CLNK: variants seen among roughly 807,000 people sequenced by gnomAD.
The protein encoded by CLNK is cytokine dependent hematopoietic cell linker, also known as cytokine-dependent hematopoietic cell linker.
A neutral mutation model predicts 68.6 loss-of-function variants in CLNK; 74 were observed. The ratio of observed to expected loss-of-function variants is 1.08; its 90% CI spans 0.89 to 1.31. The LOEUF is 1.31. Ranked by LOEUF, CLNK falls within the 50% of genes most tolerant of loss-of-function variation. The pLI is 0.00. For missense variants in CLNK, 553 were observed against 515.3 expected (o/e 1.07, Z -0.71); for synonymous variants, 198 against 172.2 (o/e 1.15, Z -1.17).
chr4:10,557,718 C>A (rs1719732837), intron 8 of CLNK, among the ~76,000 whole-genome samples: 1 of 152,186 alleles, frequency 6.6e-6, no homozygotes, highest in South Asian at 2.1e-4. Context: ...TACACTTTCC[C>A]ATTAAAGAAA....
In CLNK at chr4:10,670,314, G is replaced by A. The variant is rs192780543; in HGVS notation, c.-42-2403C>T. ...TAAATTACTTGATTACAGTCATACA[G>A]GACAAATCCATCCCCCATCCCTTAA... On this transcript the variant is annotated intron_variant, in intron 1 of 18. Transcript: ENST00000226951. 5.4e-3 allele frequency among the ~76,000 whole-genome samples: 817 copies of A among 152,316 alleles called. 6 individuals carry two copies. The highest frequency in any genetic ancestry group is 8.6e-3 in the Non-Finnish European group (583 of 68,024).
chr4:10,707,508 T>C, the CLNK span, among the ~76,000 whole-genome samples: 15 of 152,242 alleles, frequency 9.9e-5, no homozygotes, highest in Non-Finnish European at 1.5e-5. Flanking sequence ...CTTGTGGGTA[T>C]TCCCCCTTTT....
upstream of CLNK, among the ~76,000 whole-genome samples, chr4:10,686,807 G>T (rs1022297710): frequency 6.6e-5 from 10 of 152,224 alleles, no homozygotes; most frequent in African/African-American, 2.4e-4. Context: ...AAGAACCCAA[G>T]TCTAATGATA....
chr4:10,726,932 C>T, the CLNK span, among the ~76,000 whole-genome samples: 5 of 152,134 alleles, frequency 3.3e-5, no homozygotes, highest in South Asian at 2.1e-4. Flanking sequence ...ATGTGTAATA[C>T]GTGTTTCTTT....
chr4:10,626,760 G>T (rs1247284851), intron 2 of CLNK, among the ~76,000 whole-genome samples: 1 of 152,122 alleles, frequency 6.6e-6, no homozygotes, highest in Non-Finnish European at 1.5e-5. Context: ...CTGTCATAAC[G>T]TGTTTTAACA....
intron 14 of CLNK, among the ~76,000 whole-genome samples, chr4:10,521,775 T>G (rs1056426930): frequency 6.6e-6 from 1 of 152,178 alleles, no homozygotes; most frequent in African/African-American, 2.4e-5. Flanking sequence ...ACCAGAATCC[T>G]TTTACTAGCA....
At chr4:10,654,911 G>A (rs1380551292) in intron 2 of CLNK, among the ~76,000 whole-genome samples, 3 of 151,976 alleles carry the variant, frequency 2.0e-5, no homozygotes, top group African/African-American at 4.8e-5. Context: ...GATCATCCTG[G>A]CTAACACAGG....
chr4:10,635,734 C>T (rs1479685342), intron 2 of CLNK: 1 of 152,044 alleles, frequency 6.6e-6, no homozygotes, highest in African/African-American at 2.4e-5. Flanking sequence ...GTTATTATTC[C>T]ATCTCAAAGA....
chr4:10,610,402 G>C (rs1237114410), intron 2 of CLNK, among the ~76,000 whole-genome samples: 2 of 150,176 alleles, frequency 1.3e-5, no homozygotes, highest in African/African-American at 4.9e-5. Context: ...GACAAAAAAA[G>C]CTGATCTAAT....
the CLNK span, among the ~76,000 whole-genome samples, chr4:10,693,609 T>C: frequency 6.6e-6 from 1 of 152,194 alleles, no homozygotes; most frequent in Admixed American, 6.5e-5. Flanking sequence ...TCCAGAACCC[T>C]GAGAGGACTC....
At chr4:10,624,593 GTTTTTTTTT>G (rs10559473) in intron 2 of CLNK, among the ~76,000 whole-genome samples, 16 of 122,868 alleles carry the variant, frequency 1.3e-4, no homozygotes, top group East Asian at 2.4e-4. Context: ...CGCCCGGCCA[GTTTTTTTTT>G]TTTTTTTTTT....
At chr4:10,563,572 T>TA (rs1719979195) in intron 7 of CLNK, among the ~76,000 whole-genome samples, 1 of 152,184 alleles carries the variant, frequency 6.6e-6, no homozygotes, top group Non-Finnish European at 1.5e-5. Flanking sequence ...AGGTATATAC[T>TA]AAACAATGAG....
At chr4:10,694,886 C>G in the CLNK span, among the ~76,000 whole-genome samples, 4 of 152,180 alleles carry the variant, frequency 2.6e-5, no homozygotes, top group South Asian at 4.1e-4. Flanking sequence ...ATAGAATGTT[C>G]TTTTCTAACC....
At chr4:10,616,401 A>G (rs928169726) in intron 2 of CLNK, among the ~76,000 whole-genome samples, 1 of 152,248 alleles carries the variant, frequency 6.6e-6, no homozygotes, top group African/African-American at 2.4e-5. Context: ...TATCTATAAC[A>G]TTGCGAATAG....
At chr4:10,544,737 C>G (rs1719161789) in intron 8 of CLNK, among the ~76,000 whole-genome samples, 3 of 152,142 alleles carry the variant, frequency 2.0e-5, no homozygotes, top group African/African-American at 2.4e-5. Flanking sequence ...AAACAGAATA[C>G]TTGAAATTAG....
chr4:10,525,780 GAGACA>G (rs2109053142), intron 14 of CLNK, 56 bp downstream of exon 14: 1 of 958,046 alleles, frequency 1.0e-6, no homozygotes, highest in South Asian at 1.5e-5. Context: ...TCATTTATCT[GAGACA>G]GCACATGGCC....
intron 5 of CLNK, among the ~76,000 whole-genome samples, chr4:10,569,114 G>A (rs139766277): frequency 0.011 from 1,594 of 150,910 alleles, 32 homozygotes; most frequent in African/African-American, 0.038. Flanking sequence ...TAGGTAAAAT[G>A]TATAGTCAAG....
At chr4:10,686,996 G>C (rs771878332), upstream of CLNK, among the ~76,000 whole-genome samples, 1 of 152,022 alleles carries the variant, frequency 6.6e-6, no homozygotes, top group Admixed American at 6.6e-5. Context: ...AATACAATTA[G>C]ATAAGAGATA....
At chr4:10,649,498 C>T (rs1291449479) in intron 2 of CLNK, among the ~76,000 whole-genome samples, 2 of 152,084 alleles carry the variant, frequency 1.3e-5, no homozygotes, top group Non-Finnish European at 2.9e-5. Flanking sequence ...ACAAAGCTCA[C>T]ATATTCTACA....
Sources: allele counts gnomAD v4.1 joint callset (sites outside exome capture counted in the v4.1 genomes callset), GRCh38; gene constraint gnomAD v4.1.1; transcripts MANE v1.5; gene names NCBI Gene and HGNC (gene_info 2026-07-23, HGNC 2026-07-21).